The following ASIC2 variants were observed in gnomAD, a reference collection of about 807,000 sequenced individuals.
ASIC2 encodes acid sensing ion channel subunit 2.
In ASIC2, 25 loss-of-function variants were observed where a neutral mutation model predicts 57.3. The ratio of observed to expected loss-of-function variants is 0.44; its 90% CI spans 0.32 to 0.61. The LOEUF (loss-of-function observed/expected upper bound fraction) is 0.61. ASIC2 is among the 20% of genes least tolerant of loss of function. ASIC2 has a pLI of 0.06. For synonymous variants in ASIC2, 319 were observed against 307.5 expected (o/e 1.04, Z -0.39); for missense variants, 641 against 738.1 (o/e 0.87, Z 1.52).
chr17:34,057,186 C>T (rs1908799046), intron 1 of ASIC2, among the ~76,000 whole-genome samples: 1 of 152,102 alleles, frequency 6.6e-6, no homozygotes, highest in South Asian at 2.1e-4. Context: ...CACATAGAGA[C>T]ATGTAAATGA....
At chr17:33,327,474 T>A (rs1177677027) in intron 1 of ASIC2, among the ~76,000 whole-genome samples, 1 of 152,206 alleles carries the variant, frequency 6.6e-6, no homozygotes, top group African/African-American at 2.4e-5. Context: ...AATGCATTTA[T>A]ATATTATTCG....
intron 2 of ASIC2, among the ~76,000 whole-genome samples, chr17:33,098,124 G>T (rs780886862): frequency 6.6e-6 from 1 of 152,092 alleles, no homozygotes; most frequent in Non-Finnish European, 1.5e-5. Context: ...GATCTCTCAG[G>T]TTACTTTTAG....
intron 1 of ASIC2, among the ~76,000 whole-genome samples, chr17:33,277,254 T>C (rs1295909253): frequency 6.6e-6 from 1 of 152,020 alleles, no homozygotes; most frequent in Non-Finnish European, 1.5e-5. Flanking sequence ...CCCTGGGAGG[T>C]GACACTGACT....
chr17:33,447,178 G>A (rs1432911431), intron 1 of ASIC2, among the ~76,000 whole-genome samples: 1 of 152,190 alleles, frequency 6.6e-6, no homozygotes, highest in African/African-American at 2.4e-5. Context: ...TCCGGGAAAT[G>A]TTGATTACAT....
At chr17:34,068,842 G>T (rs1371647068) in intron 1 of ASIC2, among the ~76,000 whole-genome samples, 1 of 152,204 alleles carries the variant, frequency 6.6e-6, no homozygotes. Flanking sequence ...GGTGGTGGCT[G>T]TCTTCCCTAA....
At chr17:33,034,424 G>T (rs1450691689) in intron 3 of ASIC2, among the ~76,000 whole-genome samples, 1 of 152,170 alleles carries the variant, frequency 6.6e-6, no homozygotes, top group Non-Finnish European at 1.5e-5. Context: ...TTGAGCCCAG[G>T]AGTTCAAGGC....
intron 1 of ASIC2, among the ~76,000 whole-genome samples, chr17:33,193,895 C>T (rs1906525916): frequency 1.3e-5 from 2 of 152,200 alleles, no homozygotes; most frequent in South Asian, 4.1e-4. Flanking sequence ...TTGGCTTGGC[C>T]ATCTTGCAGG....
At position 33,467,886 on chromosome 17, in the gene ASIC2, G is replaced by A. The variant is rs148799531; in HGVS notation, c.556-355819C>T. Among the ~76,000 whole-genome samples the A allele has an allele frequency of 1.2e-3, 182 of 152,296 alleles. No homozygotes were observed. In the East Asian group the frequency reaches 0.02, roughly 17 times the overall value. ...GACCACCTTGGACACATGTTCTCAG[G>A]ATCCCCTGAGGGCTGTGCATTGGCC... On this transcript the variant is annotated intron_variant, in intron 1 of 9. Coordinates refer to the ASIC2 transcript ENST00000359872.
chr17:33,516,268 A>G (rs1914564349), intron 1 of ASIC2, among the ~76,000 whole-genome samples: 1 of 152,126 alleles, frequency 6.6e-6, no homozygotes, highest in African/African-American at 2.4e-5. Context: ...TTCACACACA[A>G]CCAGAACGTG....
At chr17:33,400,007 T>C (rs1024336046) in intron 1 of ASIC2, among the ~76,000 whole-genome samples, 2 of 152,218 alleles carry the variant, frequency 1.3e-5, no homozygotes, top group South Asian at 4.1e-4. Flanking sequence ...TGGGTTACCA[T>C]AGAGACCTGT....
rs149514876 is a variant in ASIC2 at position 33,848,754 on chromosome 17, C to T, written c.555+307224G>A. Among the ~76,000 whole-genome samples the T allele has an allele frequency of 3.8e-3, 584 of 152,228 alleles. 3 individuals are homozygous for T. Among genetic ancestry groups the T allele is most frequent in the African/African-American group, 0.014 (563 of 41,520 alleles). On this transcript the variant is annotated intron_variant, in intron 1 of 9. Transcript: ENST00000359872. ...CCTGGAAGGCAGGCAGGCTTCACTC[C>T]AGGGGCTGACGGTGTTACTGGACAA...
intron 1 of ASIC2, among the ~76,000 whole-genome samples, chr17:33,367,739 C>A (rs968676238): frequency 6.6e-6 from 1 of 152,152 alleles, no homozygotes; most frequent in African/African-American, 2.4e-5. Flanking sequence ...GATAAGACTG[C>A]CACCATTGTT....
chr17:33,843,578 T>C (rs554607571), intron 1 of ASIC2, among the ~76,000 whole-genome samples: 12 of 152,348 alleles, frequency 7.9e-5, no homozygotes, highest in African/African-American at 2.9e-4. Flanking sequence ...AATGTATTCC[T>C]CTATTTTCTT....
At chr17:33,903,160 C>T (rs888077970) in intron 1 of ASIC2, among the ~76,000 whole-genome samples, 4 of 152,138 alleles carry the variant, frequency 2.6e-5, no homozygotes, top group Non-Finnish European at 5.9e-5. Flanking sequence ...AAATCATCTC[C>T]CTTATTTCTC....
At chr17:33,660,923 C>T (rs1397391821) in intron 1 of ASIC2, among the ~76,000 whole-genome samples, 1 of 152,214 alleles carries the variant, frequency 6.6e-6, no homozygotes, top group Non-Finnish European at 1.5e-5. Flanking sequence ...TGCACCAAGC[C>T]CACCCCACCT....
intron 1 of ASIC2, among the ~76,000 whole-genome samples, chr17:34,027,681 T>G (rs180922795): frequency 5.9e-5 from 9 of 152,328 alleles, no homozygotes; most frequent in African/African-American, 1.2e-4. Context: ...GATCTAGAGA[T>G]AGAAGTCATG....
In ASIC2 at chr17:33,804,179, G is replaced by C. The variant is rs886282611; in HGVS notation, c.555+351799C>G. Among the ~76,000 whole-genome samples, 27 of 152,054 alleles carry C rather than the reference G, an allele frequency of 1.8e-4. 1 individual carries two copies. Among genetic ancestry groups the C allele is most frequent in the Admixed American group, 6.5e-5 (1 of 15,268 alleles). On this transcript the variant is annotated intron_variant, in intron 1 of 9. Transcript: ENST00000359872. The stretch of plus-strand genomic sequence containing the variant: ...ACAAATGAGTCCAGCAAATGTGTCG[G>C]GGAGCTCCAGCTCTGCTTCACATTA...
chr17:33,274,411 G>T (rs968438067), intron 1 of ASIC2, among the ~76,000 whole-genome samples: 1 of 152,200 alleles, frequency 6.6e-6, no homozygotes, highest in Admixed American at 6.5e-5. Context: ...GTCTCCTAGC[G>T]TATAGTTCTC....
chr17:33,248,157 A>G (rs4795754), intron 1 of ASIC2, among the ~76,000 whole-genome samples: 48,756 of 151,868 alleles, frequency 0.32, 7,954 homozygotes, highest in Middle Eastern at 0.39. Context: ...TCAAGACTGC[A>G]AAGTGGTGAA....
Sources: gnomAD v4.1 joint callset for allele counts (sites outside exome capture counted in the v4.1 genomes callset) on GRCh38, gnomAD v4.1.1 for gene constraint, MANE v1.5 for transcripts, NCBI Gene and HGNC (gene_info 2026-07-23, HGNC 2026-07-21) for gene names.